SERPINB11: variants seen among roughly 807,000 people sequenced by gnomAD.
The protein encoded by SERPINB11 is serpin family B member 11.
A neutral mutation model predicts 36.7 loss-of-function variants in SERPINB11; 32 were observed. That is an observed-to-expected ratio of 0.87 (90% CI 0.66 to 1.17). SERPINB11 has a LOEUF of 1.17. Ranked by LOEUF, SERPINB11 falls within the 50% of genes most tolerant of loss-of-function variation. The pLI, the probability that SERPINB11 is intolerant of heterozygous loss-of-function variation, is 0.00. For missense variants in SERPINB11, 528 were observed against 458.4 expected (o/e 1.15, Z -1.39); for synonymous variants, 174 against 168.1 (o/e 1.04, Z -0.27).
intron 1 of SERPINB11, among the ~76,000 whole-genome samples, chr18:63,703,547 T>G (rs1914293832): frequency 6.6e-6 from 1 of 152,212 alleles, no homozygotes; most frequent in African/African-American, 2.4e-5. Flanking sequence ...TTCCTACTAT[T>G]TTTAGGAATG....
rs769896079 is a variant in SERPINB11 at position 63,720,058 on chromosome 18, C to G, written c.521C>G (p.Ser174Cys). The G allele has an allele frequency of 6.2e-7, 1 of 1,609,554 alleles. No homozygotes were observed. The change falls in exon 6 of 8, where the codon TCT (serine) becomes TGT (cysteine). Residue 174 changes from serine (S) to cysteine (C), a missense_variant. Transcript: ENST00000544088. ...GGAAAGAGCACAATTGACCCTTCAT[C>G]TGTAATGGTCCTGGTGAATGCCATA... ...LFGKSTIDPSSVMVLVNAIYF... is the reference protein window; with the variant it reads ...LFGKSTIDPSCVMVLVNAIYF...
chr18:63,711,594 T>A (rs1397618965), intron 3 of SERPINB11, among the ~76,000 whole-genome samples, 200 bp downstream of exon 3: 1 of 152,170 alleles, frequency 6.6e-6, no homozygotes, highest in Admixed American at 6.6e-5. Context: ...TAAAGTTTCT[T>A]AGATTTTATT....
intron 4 of SERPINB11, 113 bp downstream of exon 4, chr18:63,712,806 A>C: frequency 8.6e-7 from 1 of 1,163,416 alleles, no homozygotes; most frequent in Non-Finnish European, 1.2e-6. Flanking sequence ...TAAGAGATTG[A>C]CTTTGTGCTA....
chr18:63,720,455 A>C (rs1914780452), intron 6 of SERPINB11: 2 of 367,346 alleles, frequency 5.4e-6, no homozygotes, highest in African/African-American at 4.3e-5. Context: ...GTTCTCCAGC[A>C]GCACACTAAG....
chr18:63,710,373 C>T lies in SERPINB11; in HGVS notation c.168+12C>T. On this transcript the variant is annotated intron_variant, in intron 2 of 7. Transcript: ENST00000544088. ...AGCAATTGGAGAAGGTATGGAATTC[C>T]TCAGAGGTTTGTTCAGAACCCAGAA... 1 of 1,604,642 alleles carries T rather than the reference C, an allele frequency of 6.2e-7. No homozygotes were observed. The highest frequency in any genetic ancestry group is 8.5e-7 in the Non-Finnish European group (1 of 1,175,796).
Position 63,723,368 on chromosome 18 carries a change from T to G in SERPINB11, c.1148T>G (p.Ile383Ser). Reference protein sequence around the residue: ...FFIRHTHTNTILFCGKLASP With the variant: ...FFIRHTHTNTSLFCGKLASP Reference sequence around the variant, plus strand: ...ATAAGGCACACTCATACCAACACGATCCTATTCTGTGGCAAGCTTGCCTCT... The same window carrying G: ...ATAAGGCACACTCATACCAACACGAGCCTATTCTGTGGCAAGCTTGCCTCT... The change falls in exon 8 of 8, where the codon ATC becomes AGC. Residue 383 changes from isoleucine to serine, a missense_variant. By Grantham distance (142) the Ile-to-Ser change is moderately radical. Coordinates refer to ENST00000544088, the MANE Select transcript of SERPINB11 (RefSeq NM_001370475.1). 1 of 1,610,126 alleles carries G rather than the reference T, an allele frequency of 6.2e-7. No individual in the cohort carries two copies. Among genetic ancestry groups the G allele is most frequent in the African/African-American group, 1.3e-5 (1 of 74,952 alleles).
chr18:63,718,311 T>C (rs1914720119), intron 5 of SERPINB11, among the ~76,000 whole-genome samples: 1 of 152,056 alleles, frequency 6.6e-6, no homozygotes, highest in Non-Finnish European at 1.5e-5. Context: ...AATTAGCTTG[T>C]TAACTTCCAT....
intron 7 of SERPINB11, among the ~76,000 whole-genome samples, chr18:63,722,323 A>C (rs1456503665): frequency 6.6e-6 from 1 of 152,220 alleles, no homozygotes; most frequent in Non-Finnish European, 1.5e-5. Flanking sequence ...GGTGGTTTGC[A>C]GCTGTGGACA....
intron 1 of SERPINB11, among the ~76,000 whole-genome samples, chr18:63,709,754 C>T (rs536872504): frequency 5.3e-5 from 8 of 152,172 alleles, no homozygotes; most frequent in Non-Finnish European, 2.9e-5. Flanking sequence ...ACTGCAAAAG[C>T]GGGTAGTCTA....
At chr18:63,716,217 T>C in intron 5 of SERPINB11, 65 bp downstream of exon 5, 1 of 1,016,362 alleles carries the variant, frequency 9.8e-7, no homozygotes, top group South Asian at 1.5e-5. Flanking sequence ...TGAGTCCACT[T>C]GCTAAAGAGG....
chr18:63,711,796 TCTGGGA>T (rs1914534106), intron 3 of SERPINB11, among the ~76,000 whole-genome samples: 1 of 152,136 alleles, frequency 6.6e-6, no homozygotes, highest in South Asian at 2.1e-4. Flanking sequence ...ATCCACATGC[TCTGGGA>T]CTATGGTCTC....
intron 3 of SERPINB11, among the ~76,000 whole-genome samples, chr18:63,711,791 C>T (rs1025423000): frequency 2.0e-5 from 3 of 152,112 alleles, no homozygotes; most frequent in African/African-American, 7.2e-5. Context: ...GCCCAATCCA[C>T]ATGCTCTGGG....
rs766193301 is a variant in SERPINB11, at chr18:63,720,927, G to A, written c.715G>A (p.Val239Ile). 7 of 1,608,258 alleles carry A rather than the reference G, an allele frequency of 4.4e-6. No individual in the cohort carries two copies. In the Admixed American group the frequency reaches 6.7e-5, roughly 15 times the overall value. The change falls in exon 7 of 8, where the codon GTT becomes ATT. Residue 239 changes from valine (V) to isoleucine (I), a missense_variant. Val to Ile is a conservative substitution (Grantham distance 29). Coordinates refer to ENST00000544088, the MANE Select transcript of SERPINB11 (RefSeq NM_001370475.1). The part of the protein sequence containing the change: ...PQMQVLELPY[V>I]NNKLSMIILL... ...GATGCAAGTTCTTGAGCTGCCCTAC[G>A]TTAACAACAAATTAAGCATGATTAT...
intron 4 of SERPINB11, among the ~76,000 whole-genome samples, chr18:63,714,353 A>C (rs928741955): frequency 2.0e-5 from 3 of 152,140 alleles, no homozygotes; most frequent in African/African-American, 7.2e-5. Context: ...TTGCTAATGA[A>C]GTTTCGGGCA....
Position 63,723,093 on chromosome 18 carries a change from T to G in SERPINB11, c.873T>G (p.Leu291=). ...AAGTACACCTCCCCCGATTCAAACT[T>G]GAAACTAAGTATGAGCTAAATTCCC... ...EVEVHLPRFK[L]ETKYELNSLL... Residue 291 remains leucine (L), a synonymous_variant, in exon 8 of 8, where the codon CTT becomes CTG. Transcript: ENST00000544088. The G allele has an allele frequency of 1.9e-6, 3 of 1,605,480 alleles. No homozygotes were observed. The highest frequency in any genetic ancestry group is 2.6e-6 in the Non-Finnish European group (3 of 1,175,410).
At chr18:63,721,445 G>C (rs1489452063) in intron 7 of SERPINB11, among the ~76,000 whole-genome samples, 2 of 152,198 alleles carry the variant, frequency 1.3e-5, no homozygotes, top group Non-Finnish European at 2.9e-5. Context: ...CACACATTAA[G>C]AAGTGGTCAT....
chr18:63,721,089 A>T, intron 7 of SERPINB11, 103 bp downstream of exon 7: 1 of 1,102,930 alleles, frequency 9.1e-7, no homozygotes, highest in South Asian at 1.6e-5. Flanking sequence ...GTAGTCATTG[A>T]TTCACAATCT....
chr18:63,713,322 A>T (rs1039082824), intron 4 of SERPINB11, among the ~76,000 whole-genome samples: 2 of 152,208 alleles, frequency 1.3e-5, no homozygotes, highest in Non-Finnish European at 2.9e-5. Flanking sequence ...ATTTCCATTA[A>T]TTCTACAGAC....
intron 5 of SERPINB11, 108 bp downstream of exon 5, chr18:63,716,260 G>T: frequency 1.7e-6 from 1 of 591,396 alleles, no homozygotes. Context: ...GACATAGGCA[G>T]ATCAGCAAGA....
Sources: gnomAD v4.1 joint callset for allele counts (sites outside exome capture counted in the v4.1 genomes callset) on GRCh38, gnomAD v4.1.1 for gene constraint, MANE v1.5 for transcripts, NCBI Gene and HGNC (gene_info 2026-07-23, HGNC 2026-07-21) for gene names.